The following LIPA variants were observed in gnomAD, a reference collection of about 807,000 sequenced individuals.
LIPA encodes the protein lysosomal acid lipase/cholesteryl ester hydrolase.
Under a neutral mutation model 40.6 loss-of-function variants are expected in LIPA, and 26 were observed. The ratio of observed to expected loss-of-function variants is 0.64; its 90% CI spans 0.47 to 0.89. The LOEUF (loss-of-function observed/expected upper bound fraction) is 0.89. Among genes scored for constraint, LIPA ranks in the 40% least tolerant of loss-of-function variants. The pLI is 0.00. For synonymous variants in LIPA, 188 were observed against 168.4 expected, an observed-to-expected ratio of 1.12 and a Z score of -0.90; for missense variants, 455 against 479.6, an observed-to-expected ratio of 0.95 and a Z score of 0.48.
At chr10:89,257,231 G>A (rs1449440487) in intron 1 of LIPA, among the ~76,000 whole-genome samples, 2 of 152,196 alleles carry the variant, frequency 1.3e-5, no homozygotes, top group Non-Finnish European at 1.5e-5. Context: ...AGGCATATGT[G>A]TGAGAATACT....
rs774691113 is a variant in LIPA, at chr10:89,402,900, G to T, written c.61+9891C>A. ...ATTTTCTTTGCTTCCCCTAAGGCAG[G>T]CTGTCCGCTTAAATCCAGACAATGG... On this transcript the variant is annotated intron_variant, in intron 2 of 8. Transcript: ENST00000371837. 6.2e-6 allele frequency: 10 copies of T among 1,614,182 alleles called. No individual in the cohort carries two copies. The South Asian group carries it at 9.9e-5, about 16-fold the overall frequency.
chr10:89,339,064 G>T, intron 1 of LIPA: 1 of 1,614,060 alleles, frequency 6.2e-7, no homozygotes, highest in Non-Finnish European at 8.5e-7. Context: ...TGAGTATTCT[G>T]AACTTGACTG....
chr10:89,297,532 C>T (rs983141685), intron 1 of LIPA, among the ~76,000 whole-genome samples: 2 of 152,104 alleles, frequency 1.3e-5, no homozygotes, highest in African/African-American at 4.8e-5. Flanking sequence ...ATACAGTGTC[C>T]GCAGCACCCC....
chr10:89,411,394 T>C (rs1003054778), intron 2 of LIPA, among the ~76,000 whole-genome samples: 1 of 152,210 alleles, frequency 6.6e-6, no homozygotes, highest in Non-Finnish European at 1.5e-5. Flanking sequence ...TGTCAGCTGT[T>C]TGCACTCAGC....
intron 2 of LIPA, among the ~76,000 whole-genome samples, chr10:89,386,382 A>C (rs891328592): frequency 2.0e-5 from 3 of 152,202 alleles, no homozygotes; most frequent in African/African-American, 7.2e-5. Flanking sequence ...AAAGCACAGG[A>C]GTAACACCTT....
intron 2 of LIPA, among the ~76,000 whole-genome samples, chr10:89,389,206 C>A (rs1448093548): frequency 1.3e-5 from 2 of 152,044 alleles, no homozygotes; most frequent in East Asian, 3.8e-4. Flanking sequence ...TATCTAGAAA[C>A]CTGACTTTTA....
chr10:89,302,382 A>C (rs750853959), intron 1 of LIPA, among the ~76,000 whole-genome samples: 10 of 152,012 alleles, frequency 6.6e-5, no homozygotes, highest in Non-Finnish European at 1.0e-4. Context: ...GTTGAGTTGC[A>C]ATCAGAGAAA....
At chr10:89,365,759 G>A (rs1271207947) in intron 2 of LIPA, among the ~76,000 whole-genome samples, 9 of 152,138 alleles carry the variant, frequency 5.9e-5, no homozygotes, top group African/African-American at 2.2e-4. Context: ...TCAGATGGTT[G>A]TAGATGTGTG....
At chr10:89,274,747 G>T (rs1271794046) in intron 1 of LIPA, among the ~76,000 whole-genome samples, 3 of 152,114 alleles carry the variant, frequency 2.0e-5, no homozygotes, top group Non-Finnish European at 4.4e-5. Flanking sequence ...ACTCCCAGCA[G>T]GTACTGGAAT....
chr10:89,353,898 G>A (rs903932399), intron 2 of LIPA, among the ~76,000 whole-genome samples: 19 of 151,754 alleles, frequency 1.3e-4, no homozygotes, highest in Admixed American at 1.1e-3. Flanking sequence ...CCGAGATCAC[G>A]CCACTGCACT....
chr10:89,259,232 C>T (rs1448712894), intron 1 of LIPA, among the ~76,000 whole-genome samples: 1 of 152,064 alleles, frequency 6.6e-6, no homozygotes, highest in African/African-American at 2.4e-5. Flanking sequence ...ATTTGGTCTG[C>T]TCCTTAAAAA....
chr10:89,234,144 T>C (rs1023941362), intron 3 of LIPA, among the ~76,000 whole-genome samples: 5 of 152,202 alleles, frequency 3.3e-5, no homozygotes, highest in Non-Finnish European at 7.3e-5. Context: ...CACAAAGGGT[T>C]CTGGAGAAAA....
intron 1 of LIPA, among the ~76,000 whole-genome samples, chr10:89,263,041 G>A (rs1287365382): frequency 6.6e-6 from 1 of 152,194 alleles, no homozygotes; most frequent in Non-Finnish European, 1.5e-5. Context: ...AAGTCTTCAT[G>A]AATTCCTTAC....
chr10:89,398,537 C>T (rs1209575711), intron 2 of LIPA, among the ~76,000 whole-genome samples: 1 of 152,156 alleles, frequency 6.6e-6, no homozygotes, highest in Non-Finnish European at 1.5e-5. Context: ...GTGGGACAGA[C>T]CCGGCACCCT....
At chr10:89,293,241 G>A (rs1161261539) in intron 1 of LIPA, among the ~76,000 whole-genome samples, 2 of 152,064 alleles carry the variant, frequency 1.3e-5, no homozygotes, top group African/African-American at 4.8e-5. Flanking sequence ...CTTCCCCTTT[G>A]CCTTCTGCCA....
intron 1 of LIPA, among the ~76,000 whole-genome samples, chr10:89,324,984 A>G (rs984625470): frequency 1.3e-5 from 2 of 152,230 alleles, no homozygotes; most frequent in Non-Finnish European, 2.9e-5. Context: ...ATGAACCAAC[A>G]TGGCACATGT....
chr10:89,220,499 G>A lies in LIPA; in HGVS notation c.894+2012C>T, dbSNP rs148174671. ...AAAAGCAGAGACCTGAACCAAGAAC[G>A]AAAATCCTCAATCTTTGTGAATTTG... is the stretch of plus-strand genomic sequence containing the variant. On this transcript the variant is annotated intron_variant, in intron 8 of 9. Transcript: ENST00000336233. Among the ~76,000 whole-genome samples the A allele has an allele frequency of 7.2e-4, 110 of 152,282 alleles. 1 individual carries two copies. The highest frequency in any genetic ancestry group is 2.6e-3 in the African/African-American group (106 of 41,568).
At chr10:89,247,726 C>T (rs1589573341) in intron 1 of LIPA, 77 bp from the exon 2 acceptor site, 1 of 1,050,452 alleles carries the variant, frequency 9.5e-7, no homozygotes, top group East Asian at 2.5e-5. Context: ...AATGCTCCCA[C>T]AAAAAGTTCT....
chr10:89,290,953 A>G (rs1371971271), intron 1 of LIPA, among the ~76,000 whole-genome samples: 2 of 152,216 alleles, frequency 1.3e-5, no homozygotes, highest in Non-Finnish European at 1.5e-5. Context: ...TGTATGTTAC[A>G]GTTGGTTTCA....
Sources: allele counts gnomAD v4.1 joint callset (sites outside exome capture counted in the v4.1 genomes callset), GRCh38; gene constraint gnomAD v4.1.1; transcripts MANE v1.5; gene names NCBI Gene and HGNC (gene_info 2026-07-23, HGNC 2026-07-21).